NME7: variants seen among roughly 807,000 people sequenced by gnomAD.
The protein encoded by NME7 is nucleoside diphosphate kinase 7.
A neutral mutation model predicts 49.1 loss-of-function variants in NME7; 41 were observed. The observed-to-expected ratio is 0.83, with a 90% CI of 0.65 to 1.08. NME7 has a LOEUF of 1.08. Among genes scored for constraint, NME7 ranks in the 50% least tolerant of loss-of-function variants. The probability of loss-of-function intolerance (pLI) is 0.00; values close to 1 mark genes in which losing one functional copy is unlikely to be tolerated. For synonymous variants in NME7, 139 were observed against 150.6 expected (o/e 0.92, Z 0.56); for missense variants, 423 against 463.4 (o/e 0.91, Z 0.80).
rs914057558 is a variant in NME7 at position 169,356,351 on chromosome 1, C to T, written c.3+11357G>A. On this transcript the variant is annotated intron_variant, in intron 1 of 11. Coordinates refer to ENST00000367811, the MANE Select transcript of NME7 (RefSeq NM_013330.5). Reference sequence around the variant, plus strand: ...AAAGAAGGTGAAGCTGGTAGGGGGACAGAGAGCAACTGGAGTTGTTACTTT... The same window carrying T: ...AAAGAAGGTGAAGCTGGTAGGGGGATAGAGAGCAACTGGAGTTGTTACTTT... Among the ~76,000 whole-genome samples the T allele has an allele frequency of 2.6e-5, 4 of 152,022 alleles. No individual in the cohort carries two copies. The East Asian group carries it at 7.7e-4, about 29-fold the overall frequency.
At chr1:169,284,645 C>T (rs1026977171) in intron 7 of NME7, 1 of 152,016 alleles carries the variant, frequency 6.6e-6, no homozygotes, top group Admixed American at 6.6e-5. Context: ...ATTTTGTTCA[C>T]AAAATTGTTG....
intron 10 of NME7, among the ~76,000 whole-genome samples, chr1:169,193,887 C>G (rs1660300826): frequency 7.2e-6 from 1 of 139,246 alleles, no homozygotes; most frequent in Admixed American, 7.2e-5. Context: ...TTAAAGAAAA[C>G]AGTATCACTT....
chr1:169,314,636 A>C (rs1036136800), intron 3 of NME7, among the ~76,000 whole-genome samples: 3 of 152,134 alleles, frequency 2.0e-5, no homozygotes, highest in African/African-American at 7.2e-5. Flanking sequence ...ATTTTTTTAA[A>C]AAGATAATCT....
At chr1:169,333,583 T>G (rs1242888813) in intron 1 of NME7, among the ~76,000 whole-genome samples, 1 of 152,164 alleles carries the variant, frequency 6.6e-6, no homozygotes, top group Non-Finnish European at 1.5e-5. Flanking sequence ...TGCATGCCTG[T>G]ATCAAACTAT....
chr1:169,262,466 G>T (rs1649193951), intron 7 of NME7, among the ~76,000 whole-genome samples: 1 of 134,130 alleles, frequency 7.5e-6, no homozygotes, highest in African/African-American at 2.5e-5. Context: ...TGGGGGCAGG[G>T]CTAAGATGGT....
At chr1:169,162,532 G>C (rs1659280154) in intron 11 of NME7, among the ~76,000 whole-genome samples, 1 of 152,126 alleles carries the variant, frequency 6.6e-6, no homozygotes, top group Admixed American at 6.5e-5. Flanking sequence ...TCTCAGTGAA[G>C]TGTTTTAATG....
chr1:169,252,022 C>T lies in NME7; in HGVS notation c.755-14335G>A, dbSNP rs1244717424. Among the ~76,000 whole-genome samples, 30 of 149,174 alleles carry T rather than the reference C, an allele frequency of 2.0e-4. 1 individual carries two copies. The highest frequency in any genetic ancestry group is 6.7e-4 in the African/African-American group (27 of 40,418). ...GGTGAATAATGCCGCAATAAACATACGTGTGCATGTGTCTTTATAGCAGCA... is the reference window on the plus strand; with the variant it reads ...GGTGAATAATGCCGCAATAAACATATGTGTGCATGTGTCTTTATAGCAGCA... On this transcript the variant is annotated intron_variant, in intron 7 of 11. Transcript: ENST00000367811.
At chr1:169,296,194 C>T (rs1465525235) in intron 6 of NME7, among the ~76,000 whole-genome samples, 3 of 152,092 alleles carry the variant, frequency 2.0e-5, no homozygotes, top group Non-Finnish European at 2.9e-5. Flanking sequence ...CTACAATTCC[C>T]GTCCCACAAT....
At chr1:169,295,678 T>G (rs12143193) in intron 6 of NME7, among the ~76,000 whole-genome samples, 47,869 of 152,000 alleles carry the variant, frequency 0.31, 8,399 homozygotes, top group East Asian at 0.67. Flanking sequence ...CCTTCAGCCA[T>G]GCAGTTGAAC....
At chr1:169,244,915 G>A (rs547870070) in intron 7 of NME7, among the ~76,000 whole-genome samples, 13 of 152,184 alleles carry the variant, frequency 8.5e-5, no homozygotes, top group African/African-American at 3.1e-4. Flanking sequence ...GATCACTTGA[G>A]GTCCTGAGTT....
At chr1:169,327,986 T>A (rs1309002729) in intron 1 of NME7, among the ~76,000 whole-genome samples, 1 of 152,180 alleles carries the variant, frequency 6.6e-6, no homozygotes, top group African/African-American at 2.4e-5. Context: ...AGAAAGCTAT[T>A]CCATTCCTGA....
chr1:169,279,729 G>T (rs550937568), intron 7 of NME7, among the ~76,000 whole-genome samples: 2 of 152,244 alleles, frequency 1.3e-5, no homozygotes, highest in Non-Finnish European at 1.5e-5. Context: ...TCCCTAGTGA[G>T]ATGAACCCGG....
chr1:169,183,067 G>C (rs190247103), intron 10 of NME7, among the ~76,000 whole-genome samples: 14 of 152,204 alleles, frequency 9.2e-5, no homozygotes, highest in Non-Finnish European at 1.5e-5. Context: ...CCATAGCTCT[G>C]AAAGTAACTT....
chr1:169,218,871 G>C (rs1661055047), intron 10 of NME7, among the ~76,000 whole-genome samples: 1 of 151,954 alleles, frequency 6.6e-6, no homozygotes, highest in South Asian at 2.1e-4. Flanking sequence ...CAGATGACGT[G>C]AGATACCACT....
At chr1:169,311,416 CAAAAAAAA>C (rs34576386) in intron 3 of NME7, among the ~76,000 whole-genome samples, 3 of 83,606 alleles carry the variant, frequency 3.6e-5, no homozygotes, top group Non-Finnish European at 6.7e-5. Context: ...GACTCCATCT[CAAAAAAAA>C]AAAAAAAAAA....
chr1:169,276,171 G>A lies in NME7; in HGVS notation c.754+11132C>T, dbSNP rs540609635. 3.6e-3 allele frequency among the ~76,000 whole-genome samples: 479 copies of A among 133,662 alleles called. 107 individuals are homozygous for A. The highest frequency in any genetic ancestry group is 9.8e-3 in the East Asian group (49 of 5,010). The allele number at this position is 133,662 out of a possible 152,430, so 87.7% of individuals were successfully genotyped here. On this transcript the variant is annotated intron_variant, in intron 7 of 11. Coordinates refer to ENST00000367811, the MANE Select transcript of NME7 (RefSeq NM_013330.5). ...CTCTTTTTTGGTTGTGTCTCTGCCC[G>A]ACTTTGGTATCAGGATGATGCTGGC...
At chr1:169,324,796 T>C (rs1488763948) in intron 1 of NME7, among the ~76,000 whole-genome samples, 1 of 152,232 alleles carries the variant, frequency 6.6e-6, no homozygotes, top group Non-Finnish European at 1.5e-5. Flanking sequence ...CATGAGCTCC[T>C]GATTTTACTA....
At chr1:169,166,927 G>A (rs1388272531) in intron 11 of NME7, among the ~76,000 whole-genome samples, 3 of 152,190 alleles carry the variant, frequency 2.0e-5, no homozygotes, top group Non-Finnish European at 4.4e-5. Flanking sequence ...AGCCGAGATT[G>A]TGCCACTGCA....
At chr1:169,139,549 A>G (rs901979825) in intron 11 of NME7, among the ~76,000 whole-genome samples, 6 of 152,242 alleles carry the variant, frequency 3.9e-5, no homozygotes, top group Admixed American at 3.3e-4. Flanking sequence ...TTCCACATCT[A>G]TAATGTAACA....
Sources: gnomAD v4.1 joint callset for allele counts (sites outside exome capture counted in the v4.1 genomes callset) on GRCh38, gnomAD v4.1.1 for gene constraint, MANE v1.5 for transcripts, NCBI Gene and HGNC (gene_info 2026-07-23, HGNC 2026-07-21) for gene names.